Variants in EPS8L2 observed in about 807,000 individuals in gnomAD.
EPS8L2 encodes EPS8 signaling adaptor L2, also known as epidermal growth factor receptor kinase substrate 8-like protein 2.
EPS8L2 carries 81 observed loss-of-function variants against 99.4 expected under a neutral mutation model. The ratio of observed to expected loss-of-function variants is 0.82; its 90% CI spans 0.68 to 0.98. EPS8L2 has a LOEUF of 0.98. Among genes scored for constraint, EPS8L2 ranks in the 50% least tolerant of loss-of-function variants. The probability of loss-of-function intolerance (pLI) is 0.00; values close to 1 mark genes in which losing one functional copy is unlikely to be tolerated. For missense variants in EPS8L2, 1,155 were observed against 968.8 expected (o/e 1.19, Z -2.55); for synonymous variants, 509 against 407.3 (o/e 1.25, Z -3.01).
chr11:711,386 C>G (rs1439570201), intron 4 of EPS8L2, among the ~76,000 whole-genome samples: 2 of 151,884 alleles, frequency 1.3e-5, no homozygotes, highest in African/African-American at 4.8e-5. Flanking sequence ...CACCCAGGTG[C>G]CCAGGCTGGA....
At chr11:722,867 C>T in intron 14 of EPS8L2, 62 bp downstream of exon 14, 2 of 1,082,266 alleles carry the variant, frequency 1.8e-6, no homozygotes, top group Non-Finnish European at 1.3e-6. Flanking sequence ...CACCAGAGCT[C>T]CCCCCCAGCC....
rs200418050 is a variant in EPS8L2, at chr11:722,548, C to A, written c.1207C>A (p.Arg403Ser). The A allele has an allele frequency of 6.2e-7, 1 of 1,612,726 alleles. No homozygotes were observed. Residue 403 changes from arginine (R) to serine (S), a missense_variant and splice_region_variant, in exon 13 of 21, where the codon CGT becomes AGT. Transcript: ENST00000318562. ...ESLGESWMRP[R>S]SEWPREPQVP... is the part of the protein sequence containing the mutation. ...ACTGGGAGAGAGCTGGATGCGGCCC[C>A]GGTAGGGCAGGGCAGAGCAGTGCCG...
chr11:725,967 C>A, intron 17 of EPS8L2, 120 bp downstream of exon 17: 1 of 1,359,200 alleles, frequency 7.4e-7, no homozygotes, highest in Non-Finnish European at 9.8e-7. Flanking sequence ...GTGCAGGGCT[C>A]CCTGGGCAGA....
In EPS8L2 at chr11:722,824, C is replaced by G; in HGVS notation, c.1341+19C>G. 2 of 1,507,580 alleles carry G rather than the reference C, an allele frequency of 1.3e-6. No individual in the cohort carries two copies. The highest frequency in any genetic ancestry group is 1.8e-6 in the Non-Finnish European group (2 of 1,128,710). 93.4% of individuals were successfully genotyped at this position (1,507,580 alleles called of 1,614,324 possible). A position where few individuals can be genotyped will look rare whatever the true frequency, so the allele number is the denominator to read the frequency against. ...CGAGGAGGTGAGAGCACCAGCAGCC[C>G]CCATCCCTACCCCAGCCCCAACACC... On this transcript the variant is annotated intron_variant, in intron 14 of 20. Transcript: ENST00000318562.
At chr11:712,711 C>T (rs746976997) in intron 4 of EPS8L2, among the ~76,000 whole-genome samples, 18 of 152,222 alleles carry the variant, frequency 1.2e-4, no homozygotes, top group Non-Finnish European at 1.8e-4. Flanking sequence ...TCAGTTTCCT[C>T]GTCTGTACAA....
At chr11:715,772 C>T (rs928639173) in intron 4 of EPS8L2, among the ~76,000 whole-genome samples, 2 of 150,938 alleles carry the variant, frequency 1.3e-5, no homozygotes, top group Admixed American at 6.6e-5. Context: ...AGGTGCCCAC[C>T]ACCACGCCCA....
rs202048027 is a variant in EPS8L2 at position 722,182 on chromosome 11, G to A, written c.1059+17G>A. Reference sequence around the variant, plus strand: ...CTGGACCTGGTGCCTGGGGCCGGGCGGCAGGGGCGCGCAGGGTGGGGGCCC... The same window carrying A: ...CTGGACCTGGTGCCTGGGGCCGGGCAGCAGGGGCGCGCAGGGTGGGGGCCC... On this transcript the variant is annotated intron_variant, in intron 12 of 20. Transcript: ENST00000318562. The A allele has an allele frequency of 2.3e-5, 37 of 1,610,362 alleles. No homozygotes were observed. The highest frequency in any genetic ancestry group is 1.7e-4 in the Middle Eastern group (1 of 6,006).
chr11:721,564 G>A lies in EPS8L2; in HGVS notation c.769-1G>A. On this transcript the variant is annotated splice_acceptor_variant, in intron 9 of 20. Coordinates refer to ENST00000318562, the MANE Select transcript of EPS8L2 (RefSeq NM_022772.4). LOFTEE classifies it high-confidence loss of function. ...TGACCCCTGACCCCCTCTGACCCCA[G>A]CAAATCCTCAACTGCGCCCTGGACG... The A allele has an allele frequency of 1.3e-6, 2 of 1,555,190 alleles. No homozygotes were observed. The highest frequency in any genetic ancestry group is 1.7e-6 in the Non-Finnish European group (2 of 1,154,260).
In EPS8L2 at chr11:727,540, A is replaced by T. The variant is rs937533175; in HGVS notation, c.*559A>T. The T allele has an allele frequency of 6.5e-6, 1 of 153,240 alleles. No homozygotes were observed. Among genetic ancestry groups the T allele is most frequent in the Admixed American group, 6.5e-5 (1 of 15,318 alleles). The allele number at this position is 153,240 out of a possible 1,614,324, so 9.5% of individuals were successfully genotyped here. A position where few individuals can be genotyped will look rare whatever the true frequency, so the allele number is the denominator to read the frequency against. On this transcript the variant is annotated 3_prime_UTR_variant, in exon 21 of 21. Coordinates refer to ENST00000318562, the MANE Select transcript of EPS8L2 (RefSeq NM_022772.4). ...GCAGGGGACACCGTGCCGGCTTCAGACACTCCCAGCGCCCACTCTTACAGG... is the reference window on the plus strand; with the variant it reads ...GCAGGGGACACCGTGCCGGCTTCAGTCACTCCCAGCGCCCACTCTTACAGG...
intron 7 of EPS8L2, 74 bp from the exon 8 acceptor site, chr11:720,990 G>GGGGA (rs1484262957): frequency 2.0e-6 from 3 of 1,466,648 alleles, no homozygotes; most frequent in Non-Finnish European, 2.7e-6. Context: ...CGGCAGGGGA[G>GGGGA]GGGAGGAGCC....
In EPS8L2 at chr11:726,409, T is replaced by C. The variant is rs994206566; in HGVS notation, c.1859T>C (p.Val620Ala). 4 of 1,605,620 alleles carry C rather than the reference T, an allele frequency of 2.5e-6. No individual in the cohort carries two copies. Among genetic ancestry groups the C allele is most frequent in the African/African-American group, 2.7e-5 (2 of 74,770 alleles). The change falls in exon 19 of 21, where the codon GTG (valine) becomes GCG (alanine). Residue 620 changes from valine (V) to alanine (A), a missense_variant. By Grantham distance (64) the Val-to-Ala change is moderately conservative. Coordinates refer to ENST00000318562, the MANE Select transcript of EPS8L2 (RefSeq NM_022772.4). ...RHFRVERSQPVSQPLTYESGP... is the reference protein window; with the variant it reads ...RHFRVERSQPASQPLTYESGP... ...TTCCGCGTGGAGCGCAGCCAGCCCG[T>C]GAGCCAGCCGCTCACCTACGAGTCG...
rs767722803 is a variant in EPS8L2, at chr11:720,201, G to C, written c.305G>C (p.Arg102Pro). 6.2e-7 allele frequency: 1 copy of C among 1,613,016 alleles called. No homozygotes were observed. Among genetic ancestry groups the C allele is most frequent in the Non-Finnish European group, 8.5e-7 (1 of 1,179,952 alleles). Residue 102 changes from arginine (R) to proline (P), a missense_variant, in exon 5 of 21, where the codon CGG becomes CCG. Coordinates refer to ENST00000318562, the MANE Select transcript of EPS8L2 (RefSeq NM_022772.4). Reference sequence around the variant, plus strand: ...CTGCAGGTGAACGACCAGTCGCTGCGGCTGCTGGACATCGAGTCACAGGTG... The same window carrying C: ...CTGCAGGTGAACGACCAGTCGCTGCCGCTGCTGGACATCGAGTCACAGGTG... ...MLLQVNDQSLRLLDIESQEEL... is the reference protein window; with the variant it reads ...MLLQVNDQSLPLLDIESQEEL...
chr11:714,868 T>C (rs1861976378), intron 4 of EPS8L2, among the ~76,000 whole-genome samples: 1 of 152,102 alleles, frequency 6.6e-6, no homozygotes, highest in African/African-American at 2.4e-5. Context: ...TTTCGTATAA[T>C]GCCTATGGCA....
At position 725,759 on chromosome 11, in the gene EPS8L2, T is replaced by TGCGCA. The variant is rs1433933748; in HGVS notation, c.1595_1599dup (p.Arg534AlafsTer15). On this transcript the variant is annotated frameshift_variant, in exon 17 of 21. Transcript: ENST00000318562. LOFTEE classifies it high-confidence loss of function. ...GAGGACGGCCGGCAGTGGTGGAAGC[T>TGCGCA]GCGCAGCCGCAGCGGCCAGGCGGGG... 7.4e-7 allele frequency: 1 copy of TGCGCA among 1,344,752 alleles called. No individual in the cohort carries two copies. The highest frequency in any genetic ancestry group is 1.5e-5 in the African/African-American group (1 of 66,018). The allele number at this position is 1,344,752 out of a possible 1,614,324, so 83.3% of individuals were successfully genotyped here. A position where few individuals can be genotyped will look rare whatever the true frequency, so the allele number is the denominator to read the frequency against.
At chr11:715,379 A>G (rs1391490118) in intron 4 of EPS8L2, among the ~76,000 whole-genome samples, 1 of 152,098 alleles carries the variant, frequency 6.6e-6, no homozygotes, top group Non-Finnish European at 1.5e-5. Context: ...TCCTGCCTGT[A>G]AGATCTGTAG....
intron 7 of EPS8L2, 40 bp downstream of exon 7, chr11:720,949 G>GC: frequency 1.1e-5 from 17 of 1,488,884 alleles, no homozygotes; most frequent in Non-Finnish European, 1.4e-5. Flanking sequence ...GGGGCGGGGA[G>GC]GGGAGGAGCC....
intron 4 of EPS8L2, among the ~76,000 whole-genome samples, chr11:712,289 A>C (rs1315987358): frequency 2.0e-5 from 3 of 151,668 alleles, no homozygotes; most frequent in Non-Finnish European, 4.4e-5. Flanking sequence ...CCATCTCAAA[A>C]GGAAAAAAAA....
chr11:721,392 G>T, intron 9 of EPS8L2, 40 bp downstream of exon 9: 2 of 1,533,418 alleles, frequency 1.3e-6, no homozygotes, highest in Non-Finnish European at 1.8e-6. Flanking sequence ...TCTCTTCCCC[G>T]CCCCCAGCAG....
At chr11:710,750 GAAAGAGAGAA>G (rs1257375030) in intron 4 of EPS8L2, among the ~76,000 whole-genome samples, 4 of 111,804 alleles carry the variant, frequency 3.6e-5, no homozygotes, top group Non-Finnish European at 5.2e-5. Flanking sequence ...ACGAAAGAGA[GAAAGAGAGAA>G]AGAGAGAAAG....
Sources: allele counts gnomAD v4.1 joint callset (sites outside exome capture counted in the v4.1 genomes callset), GRCh38; gene constraint gnomAD v4.1.1; transcripts MANE v1.5; gene names NCBI Gene and HGNC (gene_info 2026-07-23, HGNC 2026-07-21).